The following KCNT2 variants were observed in gnomAD, a reference collection of about 807,000 sequenced individuals.
KCNT2 encodes the protein potassium channel subfamily T member 2.
In KCNT2, 67 loss-of-function variants were observed where a neutral mutation model predicts 153.8. The observed-to-expected ratio is 0.44, with a 90% CI of 0.36 to 0.53. The LOEUF is 0.53. Among genes scored for constraint, KCNT2 ranks in the 20% least tolerant of loss-of-function variants. KCNT2 has a pLI of 0.00. For synonymous variants in KCNT2, 500 were observed against 458.8 expected (o/e 1.09, Z -1.15); for missense variants, 975 against 1,354.8 (o/e 0.72, Z 4.40).
At chr1:196,253,629 C>G (rs1188195664) in intron 26 of KCNT2, among the ~76,000 whole-genome samples, 1 of 151,510 alleles carries the variant, frequency 6.6e-6, no homozygotes. Context: ...CAAAGTTATA[C>G]GCTTCCTTTG....
chr1:196,434,751 G>A (rs1260762407), intron 8 of KCNT2, among the ~76,000 whole-genome samples: 1 of 151,832 alleles, frequency 6.6e-6, no homozygotes, highest in South Asian at 2.1e-4. Flanking sequence ...CAATAAATAT[G>A]ACAAAAGTGA....
chr1:196,557,329 T>C (rs926464281), intron 1 of KCNT2, among the ~76,000 whole-genome samples: 1 of 151,208 alleles, frequency 6.6e-6, no homozygotes, highest in African/African-American at 2.4e-5. Flanking sequence ...TAGAATGACA[T>C]AAAGGGATGG....
chr1:196,358,009 G>C (rs775201315), intron 14 of KCNT2, among the ~76,000 whole-genome samples: 19 of 150,942 alleles, frequency 1.3e-4, no homozygotes, highest in Non-Finnish European at 2.2e-4. Context: ...TATTTATTAC[G>C]ACTCACACTC....
chr1:196,402,172 G>T (rs920532201), intron 12 of KCNT2, among the ~76,000 whole-genome samples: 2 of 151,354 alleles, frequency 1.3e-5, no homozygotes, highest in Non-Finnish European at 3.0e-5. Flanking sequence ...CATACTACAA[G>T]AAAAGTTTAA....
chr1:196,394,971 C>T (rs915981406), intron 13 of KCNT2, among the ~76,000 whole-genome samples: 7 of 149,946 alleles, frequency 4.7e-5, no homozygotes, highest in Non-Finnish European at 1.0e-4. Flanking sequence ...TTCTTTGGTC[C>T]TAGCTTTCCA....
chr1:196,342,225 T>C lies in KCNT2; in HGVS notation c.1407A>G (p.Glu469=), dbSNP rs764593058. 1 of 1,610,968 alleles carries C rather than the reference T, an allele frequency of 6.2e-7. No homozygotes were observed. Among genetic ancestry groups the C allele is most frequent in the Non-Finnish European group, 8.5e-7 (1 of 1,178,632 alleles). The change falls in exon 15 of 28, where the codon GAA becomes GAG. Residue 469 remains glutamate (E), a synonymous_variant. Coordinates refer to ENST00000294725, the MANE Select transcript of KCNT2 (RefSeq NM_198503.5). ...GCCATTGTTCTGGCGATTGCTGGCCTTCTCTGCAACACAGGCACACACACA... is the reference window on the plus strand; with the variant it reads ...GCCATTGTTCTGGCGATTGCTGGCCCTCTCTGCAACACAGGCACACACACA... ...TLLVHTSRGQ[E]GQQSPEQWQK...
intron 1 of KCNT2, among the ~76,000 whole-genome samples, chr1:196,556,942 T>C (rs776830940): frequency 1.3e-5 from 2 of 151,112 alleles, no homozygotes; most frequent in Non-Finnish European, 3.0e-5. Flanking sequence ...GCAATTGAAC[T>C]CATGGAGAAA....
At chr1:196,499,280 A>G (rs181806794) in intron 1 of KCNT2, among the ~76,000 whole-genome samples, 153 of 152,348 alleles carry the variant, frequency 1.0e-3, no homozygotes, top group African/African-American at 3.6e-3. Context: ...GTTTTCAAGC[A>G]CCAAGTTTGT....
intron 16 of KCNT2, among the ~76,000 whole-genome samples, chr1:196,338,950 A>G (rs1362172076): frequency 8.8e-5 from 12 of 135,706 alleles, no homozygotes; most frequent in Non-Finnish European, 1.6e-4. Context: ...CTTTTTAGCA[A>G]AAAAAAAAAA....
At chr1:196,520,927 C>A (rs1407666167) in intron 1 of KCNT2, among the ~76,000 whole-genome samples, 2 of 152,096 alleles carry the variant, frequency 1.3e-5, no homozygotes, top group Non-Finnish European at 2.9e-5. Flanking sequence ...GCAATCACAA[C>A]AAAAGCAAAA....
intron 1 of KCNT2, among the ~76,000 whole-genome samples, chr1:196,590,319 G>A (rs1663192206): frequency 6.6e-6 from 1 of 152,302 alleles, no homozygotes; most frequent in East Asian, 1.9e-4. Flanking sequence ...AAAAAGAACT[G>A]TATAGAAATC....
chr1:196,463,797 C>G (rs1270355323), intron 8 of KCNT2, among the ~76,000 whole-genome samples: 1 of 151,432 alleles, frequency 6.6e-6, no homozygotes, highest in Non-Finnish European at 1.5e-5. Context: ...CCTATACTAC[C>G]CAAAAAATAG....
chr1:196,464,608 T>C (rs1403758057), intron 8 of KCNT2, among the ~76,000 whole-genome samples: 1 of 151,904 alleles, frequency 6.6e-6, no homozygotes, highest in South Asian at 2.1e-4. Flanking sequence ...ATATCTAAGA[T>C]TCCTGCAACA....
chr1:196,467,842 C>A, intron 6 of KCNT2, 56 bp from the exon 7 acceptor site: 1 of 950,988 alleles, frequency 1.1e-6, no homozygotes, highest in South Asian at 1.9e-5. Context: ...TAAACCATAC[C>A]CAGTATACTA....
intron 27 of KCNT2, among the ~76,000 whole-genome samples, chr1:196,228,659 G>A (rs1048800517): frequency 3.3e-5 from 5 of 151,822 alleles, no homozygotes; most frequent in East Asian, 3.9e-4. Flanking sequence ...CAGCACCTTC[G>A]TCTCATCAAA....
In KCNT2 at chr1:196,258,308, CTGTTTTACCAGAG is replaced by C; in HGVS notation, c.3084_3096del (p.His1028GlnfsTer5). On this transcript the variant is annotated frameshift_variant, in exon 26 of 28. Transcript: ENST00000294725. LOFTEE classifies it high-confidence loss of function. ...AGTCGCTGCTGGGTTATTTTTTCAGCTGTTTTACCAGAGTGTTTTGGGCCTTTTCTGCTCAGTC... is the reference window on the plus strand; with the variant it reads ...AGTCGCTGCTGGGTTATTTTTTCAGCTGTTTTGGGCCTTTTCTGCTCAGTC... The C allele has an allele frequency of 6.2e-7, 1 of 1,614,026 alleles. No individual in the cohort carries two copies. Among genetic ancestry groups the C allele is most frequent in the Non-Finnish European group, 8.5e-7 (1 of 1,179,976 alleles).
chr1:196,517,903 A>G (rs1652815786), intron 1 of KCNT2, among the ~76,000 whole-genome samples: 1 of 152,170 alleles, frequency 6.6e-6, no homozygotes, highest in Non-Finnish European at 1.5e-5. Context: ...AGTCAAATTC[A>G]GGAAATACAG....
chr1:196,565,222 G>T (rs1366669384), intron 1 of KCNT2, among the ~76,000 whole-genome samples: 2 of 151,448 alleles, frequency 1.3e-5, no homozygotes, highest in Non-Finnish European at 3.0e-5. Flanking sequence ...TTAGAGAAAT[G>T]CAAATTAAAA....
At chr1:196,518,156 C>G (rs1206548254) in intron 1 of KCNT2, among the ~76,000 whole-genome samples, 26 of 152,056 alleles carry the variant, frequency 1.7e-4, no homozygotes, top group Non-Finnish European at 7.4e-5. Context: ...ATTTTTATAT[C>G]CAGAGAAACT....
Sources: gnomAD v4.1 joint callset for allele counts (sites outside exome capture counted in the v4.1 genomes callset) on GRCh38, gnomAD v4.1.1 for gene constraint, MANE v1.5 for transcripts, NCBI Gene and HGNC (gene_info 2026-07-23, HGNC 2026-07-21) for gene names.